ERICH3: variants seen among roughly 807,000 people sequenced by gnomAD.
The protein encoded by ERICH3 is glutamate-rich protein 3.
ERICH3 carries 126 observed loss-of-function variants against 131.1 expected under a neutral mutation model. That is an observed-to-expected ratio of 0.96 (90% CI 0.83 to 1.11). The LOEUF is 1.11. ERICH3 is among the 50% of genes most tolerant of loss of function. The probability of loss-of-function intolerance (pLI) is 0.00; values close to 1 mark genes in which losing one functional copy is unlikely to be tolerated. For synonymous variants in ERICH3, 695 were observed against 644.6 expected (o/e 1.08, Z -1.18); for missense variants, 2,050 against 1,810.7 (o/e 1.13, Z -2.40).
chr1:74,596,013 G>A (rs1256392045), intron 11 of ERICH3, among the ~76,000 whole-genome samples: 1 of 151,990 alleles, frequency 6.6e-6, no homozygotes, highest in Non-Finnish European at 1.5e-5. Flanking sequence ...CACAGGAGAA[G>A]CCTACACCCC....
intron 11 of ERICH3, among the ~76,000 whole-genome samples, chr1:74,593,918 C>G (rs1311193923): frequency 2.6e-5 from 4 of 152,100 alleles, no homozygotes; most frequent in African/African-American, 9.7e-5. Context: ...GTACCCACAG[C>G]CATGGACCCA....
chr1:74,616,905 G>A (rs1648990113), intron 8 of ERICH3, among the ~76,000 whole-genome samples: 1 of 152,074 alleles, frequency 6.6e-6, no homozygotes, highest in South Asian at 2.1e-4. Flanking sequence ...GCTTTTCAGG[G>A]AGTGTGTCCC....
intron 11 of ERICH3, among the ~76,000 whole-genome samples, chr1:74,591,528 A>C (rs1196377102): frequency 6.6e-6 from 1 of 152,160 alleles, no homozygotes; most frequent in African/African-American, 2.4e-5. Context: ...GTCCTCTGAA[A>C]AAGGTGAAGG....
In ERICH3 at chr1:74,619,041, C is replaced by T. The variant is rs182060139; in HGVS notation, c.1000+1693G>A. On this transcript the variant is annotated intron_variant, in intron 8 of 14. Coordinates refer to ENST00000326665, the MANE Select transcript of ERICH3 (RefSeq NM_001002912.5). ...CTTTTCAATTTTGAACAATTACTTT[C>T]CTGGCAATCAAGGGCAAGCTGAGAC... 1.4e-4 allele frequency among the ~76,000 whole-genome samples: 21 copies of T among 152,292 alleles called. No homozygotes were observed. In the East Asian group the frequency reaches 3.5e-3, roughly 25 times the overall value.
At chr1:74,621,117 T>G (rs569831377) in intron 7 of ERICH3, among the ~76,000 whole-genome samples, 1 of 152,320 alleles carries the variant, frequency 6.6e-6, no homozygotes, top group East Asian at 1.9e-4. Flanking sequence ...ATATATGTTT[T>G]GGCTTTCTAC....
chr1:74,571,764 C>A lies in ERICH3; in HGVS notation c.3946G>T (p.Gly1316Trp). 6.2e-7 allele frequency: 1 copy of A among 1,614,112 alleles called. No homozygotes were observed. The highest frequency in any genetic ancestry group is 8.5e-7 in the Non-Finnish European group (1 of 1,180,030). Reference sequence around the variant, plus strand: ...CCTTCTCCTTCCATGTCCCCGTCCCCTTCCGAGTTCCTGTCCTGCATCGCT... The same window carrying A: ...CCTTCTCCTTCCATGTCCCCGTCCCATTCCGAGTTCCTGTCCTGCATCGCT... The part of the protein sequence containing the change: ...TEAMQDRNSE[G>W]DGDMEGEGNT... The change falls in exon 14 of 15, where the codon GGG becomes TGG. Residue 1316 changes from glycine to tryptophan, a missense_variant. Physicochemically the swap from Gly to Trp is radical, Grantham distance 184. Transcript: ENST00000326665.
chr1:74,592,708 G>A (rs1228560747), intron 11 of ERICH3, among the ~76,000 whole-genome samples: 5 of 152,146 alleles, frequency 3.3e-5, no homozygotes, highest in Non-Finnish European at 5.9e-5. Flanking sequence ...TCAGGAGAAT[G>A]AATGGCCTCG....
chr1:74,668,940 T>C (rs970913351), intron 1 of ERICH3, among the ~76,000 whole-genome samples: 1 of 152,198 alleles, frequency 6.6e-6, no homozygotes, highest in African/African-American at 2.4e-5. Flanking sequence ...AGAATGTTAC[T>C]GTAGCTATCC....
intron 9 of ERICH3, 62 bp from the exon 10 acceptor site, chr1:74,606,964 A>G (rs1333105479): frequency 2.8e-6 from 4 of 1,409,952 alleles, no homozygotes; most frequent in Admixed American, 2.3e-5. Context: ...TGGAACCTCA[A>G]AGCTTTTGAA....
chr1:74,652,812 A>G (rs1646549235), intron 1 of ERICH3, among the ~76,000 whole-genome samples: 1 of 152,148 alleles, frequency 6.6e-6, no homozygotes, highest in Admixed American at 6.5e-5. Context: ...CACTGGCCAG[A>G]CCAGTCTAAC....
At chr1:74,576,853 T>C in intron 13 of ERICH3, 42 bp downstream of exon 13, 1 of 1,542,564 alleles carries the variant, frequency 6.5e-7, no homozygotes, top group South Asian at 1.2e-5. Context: ...TCATGGTCTG[T>C]TGGATCACTC....
chr1:74,612,474 T>C (rs1648741650), intron 9 of ERICH3, 149 bp downstream of exon 9: 2 of 569,080 alleles, frequency 3.5e-6, no homozygotes. Flanking sequence ...CAGCACGCCA[T>C]GTTACAATAA....
chr1:74,671,683 T>G (rs1021875187), intron 1 of ERICH3, among the ~76,000 whole-genome samples: 12 of 152,204 alleles, frequency 7.9e-5, no homozygotes, highest in Admixed American at 2.0e-4. Flanking sequence ...AATAAGGTAG[T>G]TCATATAAAA....
intron 12 of ERICH3, chr1:74,579,259 C>G (rs1301040796): frequency 1.2e-5 from 5 of 424,718 alleles, no homozygotes; most frequent in Non-Finnish European, 1.6e-5. Context: ...GCTAAGACAT[C>G]AAAGCTTTTT....
chr1:74,639,831 A>T (rs1646422330), intron 5 of ERICH3, among the ~76,000 whole-genome samples: 2 of 152,216 alleles, frequency 1.3e-5, no homozygotes, highest in Non-Finnish European at 2.9e-5. Flanking sequence ...GCAAGATCTC[A>T]AAAGGATTAT....
intron 12 of ERICH3, chr1:74,578,656 T>TTTCCC (rs541587913): frequency 6.6e-6 from 1 of 151,978 alleles, no homozygotes; most frequent in Non-Finnish European, 1.5e-5. Flanking sequence ...TTCCCTTCTT[T>TTTCCC]TTCCCTTCCC....
chr1:74,632,680 C>T lies in ERICH3; in HGVS notation c.604-752G>A, dbSNP rs150934939. On this transcript the variant is annotated intron_variant, in intron 6 of 14. Coordinates refer to ENST00000326665, the MANE Select transcript of ERICH3 (RefSeq NM_001002912.5). Reference sequence around the variant, plus strand: ...GCTTTGTTCCTATGAGAGATCTCACCGGGCTTAAACAAAAATAACATGAAT... The same window carrying T: ...GCTTTGTTCCTATGAGAGATCTCACTGGGCTTAAACAAAAATAACATGAAT... 2.0e-3 allele frequency among the ~76,000 whole-genome samples: 299 copies of T among 151,754 alleles called. 5 individuals are homozygous for T. Among genetic ancestry groups the T allele is most frequent in the East Asian group, 8.2e-3 (42 of 5,150 alleles).
intron 7 of ERICH3, among the ~76,000 whole-genome samples, chr1:74,627,808 T>C (rs983030864): frequency 6.6e-6 from 1 of 152,068 alleles, no homozygotes; most frequent in African/African-American, 2.4e-5. Flanking sequence ...CCTAGAAATA[T>C]TTTGAAAAAT....
At chr1:74,603,362 A>G (rs12567936) in intron 10 of ERICH3, among the ~76,000 whole-genome samples, 13,614 of 151,922 alleles carry the variant, frequency 0.09, 704 homozygotes, top group East Asian at 0.21. Flanking sequence ...TTGTGTATCT[A>G]AGCCTCAATT....
Sources: gnomAD v4.1 joint callset for allele counts (sites outside exome capture counted in the v4.1 genomes callset) on GRCh38, gnomAD v4.1.1 for gene constraint, MANE v1.5 for transcripts, NCBI Gene and HGNC (gene_info 2026-07-23, HGNC 2026-07-21) for gene names.